CFAP20DC: variants seen among roughly 807,000 people sequenced by gnomAD.
CFAP20DC encodes the protein protein CFAP20DC.
A neutral mutation model predicts 101.7 loss-of-function variants in CFAP20DC; 84 were observed. The observed-to-expected ratio is 0.83, with a 90% CI of 0.69 to 0.99. The LOEUF (loss-of-function observed/expected upper bound fraction) is 0.99. CFAP20DC is among the 50% of genes least tolerant of loss of function. CFAP20DC has a pLI of 0.00. For synonymous variants in CFAP20DC, 359 were observed against 351.2 expected (o/e 1.02, Z -0.25); for missense variants, 1,007 against 970.3 (o/e 1.04, Z -0.50).
chr3:58,884,484 C>A, intron 7 of CFAP20DC, 61 bp downstream of exon 7: 1 of 1,513,044 alleles, frequency 6.6e-7, no homozygotes, highest in South Asian at 1.2e-5. Flanking sequence ...TGGAGGAAGT[C>A]ACACTTTATG....
chr3:58,734,474 T>C (rs2067706935), intron 3 of CFAP20DC: 1 of 452,314 alleles, frequency 2.2e-6, no homozygotes, highest in African/African-American at 2.0e-5. Context: ...GTGCTTACCA[T>C]GTGCTAAGTG....
At chr3:58,798,268 T>C (rs1205910770) in intron 15 of CFAP20DC, among the ~76,000 whole-genome samples, 1 of 152,152 alleles carries the variant, frequency 6.6e-6, no homozygotes, top group East Asian at 1.9e-4. Flanking sequence ...GCAGCATTCA[T>C]GGGAGGAGGT....
At position 58,914,693 on chromosome 3, in the gene CFAP20DC, T is replaced by TA. The variant is rs202005740; in HGVS notation, c.394-830_394-829insT. On this transcript the variant is annotated intron_variant, in intron 5 of 16. Transcript: ENST00000482387. This position sits in a 1 kb window ranked among gnomAD's most constrained non-coding sequence, Gnocchi z 4.9. Reference sequence around the variant, plus strand: ...GTATATATAAATATATATATATATATTTTTTTTCTTTTTTTTAAAGACAAA... The same window carrying TA: ...GTATATATAAATATATATATATATATATTTTTTTCTTTTTTTTAAAGACAAA... Among the ~76,000 whole-genome samples, 806 of 140,800 alleles carry TA rather than the reference T, an allele frequency of 5.7e-3. 3 individuals are homozygous for TA. The highest frequency in any genetic ancestry group is 0.018 in the African/African-American group (619 of 33,602). 92.4% of individuals were successfully genotyped at this position (140,800 alleles called of 152,430 possible).
At chr3:58,921,215 T>A (rs1216390224) in intron 5 of CFAP20DC, among the ~76,000 whole-genome samples, 5 of 152,242 alleles carry the variant, frequency 3.3e-5, no homozygotes, top group Admixed American at 3.3e-4. Flanking sequence ...TTGGTTTCAT[T>A]AATTTCTCCA....
At chr3:58,844,628 C>A (rs2077456069) in intron 13 of CFAP20DC, among the ~76,000 whole-genome samples, 3 of 116,728 alleles carry the variant, frequency 2.6e-5, no homozygotes, top group African/African-American at 8.9e-5. Flanking sequence ...ACAAGGATAC[C>A]CAGGAATTGA....
intron 4 of CFAP20DC, among the ~76,000 whole-genome samples, chr3:59,009,013 C>T (rs1345542330): frequency 1.3e-5 from 2 of 152,132 alleles, no homozygotes; most frequent in Non-Finnish European, 2.9e-5. Context: ...TACTACCACT[C>T]ACCAGCATTG....
At chr3:58,941,327 CAAAAAA>C (rs752324535) in intron 4 of CFAP20DC, among the ~76,000 whole-genome samples, 1 of 19,508 alleles carries the variant, frequency 5.1e-5, no homozygotes, top group Admixed American at 8.1e-4. Flanking sequence ...GACTCCGTCT[CAAAAAA>C]AAAAAAAAAA....
At chr3:58,837,860 G>A (rs957354147) in intron 13 of CFAP20DC, among the ~76,000 whole-genome samples, 2 of 152,104 alleles carry the variant, frequency 1.3e-5, no homozygotes, top group Non-Finnish European at 2.9e-5. Flanking sequence ...ATTTGAATTC[G>A]AGGATTAATC....
chr3:59,001,611 A>G lies in CFAP20DC; in HGVS notation c.278+37946T>C, dbSNP rs1313784834. On this transcript the variant is annotated intron_variant, in intron 4 of 16. Transcript: ENST00000482387. The surrounding 1 kb of genome is among the most constrained non-coding windows in gnomAD (Gnocchi z 4.5). The stretch of plus-strand genomic sequence containing the variant: ...TTTTTAGTAGAGATGGGGTTTCTCC[A>G]TGTTGGTCAGGTTGGTCTCGAACTC... Among the ~76,000 whole-genome samples the G allele has an allele frequency of 6.6e-6, 1 of 152,084 alleles. No individual in the cohort carries two copies. Among genetic ancestry groups the G allele is most frequent in the African/African-American group, 2.4e-5 (1 of 41,406 alleles).
chr3:59,019,861 C>T (rs1018103398), intron 4 of CFAP20DC, among the ~76,000 whole-genome samples: 9 of 152,060 alleles, frequency 5.9e-5, no homozygotes, highest in African/African-American at 2.2e-4. Context: ...AAACCATTTT[C>T]ATAACAATAC....
chr3:58,811,817 G>C (rs1373928909), intron 14 of CFAP20DC, among the ~76,000 whole-genome samples: 1 of 151,050 alleles, frequency 6.6e-6, no homozygotes. Context: ...CTGACAAAGG[G>C]CTAATATCCA....
chr3:58,809,209 A>G (rs1174783021), intron 14 of CFAP20DC, among the ~76,000 whole-genome samples: 1 of 152,116 alleles, frequency 6.6e-6, no homozygotes, highest in African/African-American at 2.4e-5. Flanking sequence ...GACCTAATAG[A>G]CATCTACAGA....
At chr3:58,970,297 A>C (rs995797473) in intron 4 of CFAP20DC, 1 of 152,198 alleles carries the variant, frequency 6.6e-6, no homozygotes, top group African/African-American at 2.4e-5. Flanking sequence ...AATCAAATTA[A>C]CATGAAGTCA....
At chr3:58,820,433 A>G (rs1160670724) in intron 14 of CFAP20DC, among the ~76,000 whole-genome samples, 1 of 150,388 alleles carries the variant, frequency 6.6e-6, no homozygotes, top group Non-Finnish European at 1.5e-5. Flanking sequence ...CTGATAAGCA[A>G]CTTCAGCAAA....
Position 58,888,645 on chromosome 3 carries a change from G to C in CFAP20DC, c.551-3936C>G, listed in dbSNP as rs1049280236. On this transcript the variant is annotated intron_variant, in intron 6 of 16. Coordinates refer to ENST00000482387, the MANE Select transcript of CFAP20DC (RefSeq NM_001394063.1). ...CTCATCATTCAGCTCCCACTTATGA[G>C]AGCATGCAGTATTTGGTTTTCTGTT... is the stretch of plus-strand genomic sequence containing the variant. Among the ~76,000 whole-genome samples, 5 of 152,158 alleles carry C rather than the reference G, an allele frequency of 3.3e-5. 1 individual carries two copies. Among genetic ancestry groups the C allele is most frequent in the South Asian group, 2.1e-4 (1 of 4,832 alleles).
In CFAP20DC at chr3:59,000,736, C is replaced by T. The variant is rs986042117; in HGVS notation, c.278+38821G>A. Reference sequence around the variant, plus strand: ...GGCATACAGGATGTGAAGAACAACACAGAAGGTTTTGTTCCAGGGATGAGA... The same window carrying T: ...GGCATACAGGATGTGAAGAACAACATAGAAGGTTTTGTTCCAGGGATGAGA... On this transcript the variant is annotated intron_variant, in intron 4 of 16. Coordinates refer to ENST00000482387, the MANE Select transcript of CFAP20DC (RefSeq NM_001394063.1). 2.2e-4 allele frequency among the ~76,000 whole-genome samples: 33 copies of T among 152,132 alleles called. 1 individual carries two copies. The highest frequency in any genetic ancestry group is 2.6e-4 in the Non-Finnish European group (18 of 68,010).
At chr3:58,856,945 C>T (rs2078884815) in intron 12 of CFAP20DC, among the ~76,000 whole-genome samples, 1 of 152,060 alleles carries the variant, frequency 6.6e-6, no homozygotes, top group Non-Finnish European at 1.5e-5. Context: ...CATTCATTTC[C>T]ATCATAAAAA....
intron 15 of CFAP20DC, 91 bp downstream of exon 15, chr3:58,806,304 T>C: frequency 1.1e-6 from 1 of 878,186 alleles, no homozygotes; most frequent in Non-Finnish European, 1.9e-6. Context: ...GCTAGAAGTT[T>C]TGGAAAACAA....
chr3:58,790,852 T>C lies in CFAP20DC; in HGVS notation c.2237+15543A>G, dbSNP rs369866535. 3.3e-5 allele frequency among the ~76,000 whole-genome samples: 5 copies of C among 151,820 alleles called. No homozygotes were observed. In the East Asian group the frequency reaches 5.8e-4, roughly 18 times the overall value. ...CAGGACCAGGAATGGCAAAATGGAG[T>C]TGGGACTGGAGTGAGAAAATGTGAG... On this transcript the variant is annotated intron_variant, in intron 15 of 16. Coordinates refer to ENST00000482387, the MANE Select transcript of CFAP20DC (RefSeq NM_001394063.1).
Sources: gnomAD v4.1 joint callset for allele counts (sites outside exome capture counted in the v4.1 genomes callset) on GRCh38, gnomAD v4.1.1 for gene constraint, Gnocchi (gnomAD v3.1) non-coding constraint, MANE v1.5 for transcripts, NCBI Gene and HGNC (gene_info 2026-07-23, HGNC 2026-07-21) for gene names.